DOP1B: variants seen among roughly 807,000 people sequenced by gnomAD.
DOP1B encodes the protein DOP1 leucine zipper like protein B.
DOP1B carries 174 observed loss-of-function variants against 233.5 expected under a neutral mutation model. That is an observed-to-expected ratio of 0.75 (90% CI 0.66 to 0.85). DOP1B has a LOEUF of 0.85. Among genes scored for constraint, DOP1B ranks in the 40% least tolerant of loss-of-function variants. DOP1B has a pLI of 0.00. For missense variants in DOP1B, 2,652 were observed against 2,846.6 expected (o/e 0.93, Z 1.56); for synonymous variants, 1,190 against 1,185.6 (o/e 1.00, Z -0.08).
chr21:36,260,282 AG>A, intron 23 of DOP1B, among the ~76,000 whole-genome samples: 1 of 143,118 alleles, frequency 7.0e-6, no homozygotes, highest in African/African-American at 2.9e-5. Flanking sequence ...AAAGAAAGAA[AG>A]AAAGAAAGAA....
At chr21:36,177,305 T>C (rs1228265539) in intron 2 of DOP1B, among the ~76,000 whole-genome samples, 1 of 152,188 alleles carries the variant, frequency 6.6e-6, no homozygotes, top group African/African-American at 2.4e-5. Flanking sequence ...ACTCACACTG[T>C]AAGATCGAGA....
At chr21:36,267,047 C>T (rs1242192227) in intron 26 of DOP1B, among the ~76,000 whole-genome samples, 2 of 152,356 alleles carry the variant, frequency 1.3e-5, no homozygotes, top group African/African-American at 4.8e-5. Context: ...CACACCTCAA[C>T]ACAACTGCTG....
At chr21:36,231,452 A>G (rs1032494435) in intron 14 of DOP1B, among the ~76,000 whole-genome samples, 53 of 152,306 alleles carry the variant, frequency 3.5e-4, no homozygotes, top group South Asian at 6.2e-4. Flanking sequence ...GTGTAAGCCA[A>G]GAAGGTGCTA....
chr21:36,233,918 ATCTCGGC>A (rs2066796212), intron 15 of DOP1B, among the ~76,000 whole-genome samples: 2 of 152,058 alleles, frequency 1.3e-5, no homozygotes, highest in South Asian at 4.2e-4. Flanking sequence ...CAGTGGCACG[ATCTCGGC>A]TCACTGCAAC....
chr21:36,294,029 C>G lies in DOP1B; in HGVS notation c.*458C>G, dbSNP rs2067588264. 6.3e-6 allele frequency: 1 copy of G among 157,932 alleles called. No individual in the cohort carries two copies. The highest frequency in any genetic ancestry group is 1.4e-5 in the Non-Finnish European group (1 of 71,256). 9.8% of individuals were successfully genotyped at this position (157,932 alleles called of 1,614,324 possible). A position where few individuals can be genotyped will look rare whatever the true frequency, so the allele number is the denominator to read the frequency against. On this transcript the variant is annotated 3_prime_UTR_variant, in exon 37 of 37. Transcript: ENST00000691173. ...GATAATTTACTGTTCAGCAACAGGA[C>G]ACACCTCCCTAAATGCCTTGTAATA...
rs147308235 is a variant in DOP1B at position 36,274,313 on chromosome 21, G to A, written c.5633-2708G>A. 3.9e-3 allele frequency among the ~76,000 whole-genome samples: 592 copies of A among 152,302 alleles called. 3 individuals carry two copies. The highest frequency in any genetic ancestry group is 0.013 in the African/African-American group (539 of 41,574). On this transcript the variant is annotated intron_variant, in intron 27 of 36. Transcript: ENST00000691173. The stretch of plus-strand genomic sequence containing the variant: ...GAGGCAGGGTCAACAGAAAGGGACA[G>A]TTTAAATGCAGAGTCAGCAGGATTT...
In DOP1B at chr21:36,218,753, C is replaced by T. The variant is rs372996660; in HGVS notation, c.1130-619C>T. On this transcript the variant is annotated intron_variant, in intron 9 of 36. Coordinates refer to ENST00000691173, the MANE Select transcript of DOP1B (RefSeq NM_001320714.2). ...CAGGCCCTCAGCTGCCTGAGGGTTGCGGTTTGCGGAGCAGCAATGCCCTGC... is the reference window on the plus strand; with the variant it reads ...CAGGCCCTCAGCTGCCTGAGGGTTGTGGTTTGCGGAGCAGCAATGCCCTGC... 5.3e-5 allele frequency among the ~76,000 whole-genome samples: 8 copies of T among 152,272 alleles called. No individual in the cohort carries two copies. The East Asian group carries it at 5.8e-4, about 11-fold the overall frequency.
At position 36,230,646 on chromosome 21, in the gene DOP1B, G is replaced by A. The variant is rs1369136350; in HGVS notation, c.1862G>A (p.Gly621Glu). ...AGGGACGACGTTTGGAAGAAGGGCG[G>A]GAGCATGCAGAGGACGTTTCTTTGC... ...LERDDVWKKG[G>E]SMQRTFLCIQ... Residue 621 changes from glycine to glutamate, a missense_variant, in exon 14 of 37, where the codon GGG becomes GAG. This residue lies in a region of DOP1B where 2,617 missense variants were observed against 2,794.3 expected (regional missense o/e 0.94). Coordinates refer to ENST00000691173, the MANE Select transcript of DOP1B (RefSeq NM_001320714.2). 3 of 1,614,168 alleles carry A rather than the reference G, an allele frequency of 1.9e-6. No homozygotes were observed. Among genetic ancestry groups the A allele is most frequent in the Non-Finnish European group, 2.5e-6 (3 of 1,180,028 alleles).
intron 31 of DOP1B, among the ~76,000 whole-genome samples, chr21:36,281,124 C>T (rs372050074): frequency 2.8e-4 from 43 of 152,098 alleles, no homozygotes; most frequent in African/African-American, 8.0e-4. Flanking sequence ...GGCAACATAG[C>T]GAAACCCCAT....
intron 35 of DOP1B, among the ~76,000 whole-genome samples, chr21:36,289,623 A>G (rs918413070): frequency 2.0e-5 from 3 of 152,092 alleles, no homozygotes; most frequent in African/African-American, 7.2e-5. Context: ...CCATAGGCTT[A>G]TGTTTCCTGC....
In DOP1B at chr21:36,245,565, C is replaced by T. The variant is rs759013708; in HGVS notation, c.3585C>T (p.Asp1195=). 37 of 1,613,362 alleles carry T rather than the reference C, an allele frequency of 2.3e-5. No homozygotes were observed. Among genetic ancestry groups the T allele is most frequent in the Non-Finnish European group, 2.9e-5 (34 of 1,179,964 alleles). The part of the protein sequence containing the change: ...KTQASESFSS[D]EEADLELQAL... ...AGGCTTCTGAGTCGTTCTCCAGCGA[C>T]GAGGAGGCGGACTTGGAGCTCCAGG... Residue 1195 remains aspartate, a synonymous_variant, in exon 19 of 37, where the codon GAC becomes GAT. Transcript: ENST00000691173. The surrounding 1 kb of genome is among the most constrained non-coding windows in gnomAD (Gnocchi z 5.5).
In DOP1B at chr21:36,245,610, G is replaced by A; in HGVS notation, c.3630G>A (p.Leu1210=). The A allele has an allele frequency of 6.2e-7, 1 of 1,613,404 alleles. No individual in the cohort carries two copies. Among genetic ancestry groups the A allele is most frequent in the Non-Finnish European group, 8.5e-7 (1 of 1,179,900 alleles). Residue 1210 remains leucine (L), a synonymous_variant, in exon 19 of 37, where the codon CTG becomes CTA. Coordinates refer to ENST00000691173, the MANE Select transcript of DOP1B (RefSeq NM_001320714.2). The surrounding 1 kb of genome is among the most constrained non-coding windows in gnomAD (Gnocchi z 5.5). The stretch of plus-strand genomic sequence containing the variant: ...TCCAGGCCCTCACCACATCCAGGCT[G>A]CTAAAGCAGCAGCGGGAAAGGCAGG... The part of the protein sequence containing the change: ...LELQALTTSR[L]LKQQRERQEA...
intron 9 of DOP1B, among the ~76,000 whole-genome samples, chr21:36,215,755 C>T (rs2066551497): frequency 6.7e-6 from 1 of 150,170 alleles, no homozygotes. Context: ...TGGCTCACAC[C>T]TGTGATCCCA....
intron 30 of DOP1B, among the ~76,000 whole-genome samples, chr21:36,278,995 T>C (rs1052134829): frequency 4.6e-5 from 7 of 151,882 alleles, no homozygotes; most frequent in African/African-American, 1.7e-4. Flanking sequence ...ACCCTGGGGG[T>C]GTCTTTACCC....
chr21:36,255,150 C>T (rs1302208575), intron 23 of DOP1B, among the ~76,000 whole-genome samples: 2 of 149,544 alleles, frequency 1.3e-5, no homozygotes, highest in African/African-American at 4.9e-5. Flanking sequence ...TTAGTTTTTT[C>T]GAGATGAAGT....
chr21:36,163,481 G>A (rs947020728), intron 1 of DOP1B, among the ~76,000 whole-genome samples: 14 of 152,108 alleles, frequency 9.2e-5, no homozygotes, highest in African/African-American at 3.1e-4. Context: ...AAAGACTCAA[G>A]CTTAAAGAAC....
chr21:36,253,243 C>A (rs1443086540), intron 22 of DOP1B, among the ~76,000 whole-genome samples: 1 of 152,192 alleles, frequency 6.6e-6, no homozygotes, highest in Non-Finnish European at 1.5e-5. Context: ...TTGATTCCAT[C>A]TCTTGTTTCC....
chr21:36,223,201 CAT>C (rs747937869), intron 10 of DOP1B, 28 bp from the exon 11 acceptor site: 1 of 1,538,738 alleles, frequency 6.5e-7, no homozygotes, highest in South Asian at 1.3e-5. Flanking sequence ...TTTTTATAGA[CAT>C]ATTTATTCAT....
chr21:36,174,707 T>C (rs561437967), intron 2 of DOP1B, among the ~76,000 whole-genome samples: 4 of 152,282 alleles, frequency 2.6e-5, no homozygotes, highest in African/African-American at 7.2e-5. Flanking sequence ...GAGACAGGGT[T>C]TCACTATGTT....
Sources: allele counts gnomAD v4.1 joint callset (sites outside exome capture counted in the v4.1 genomes callset), GRCh38; gene constraint gnomAD v4.1.1; regional missense constraint gnomAD v4.1.1; non-coding constraint Gnocchi (gnomAD v3.1); transcripts MANE v1.5; gene names NCBI Gene and HGNC (gene_info 2026-07-23, HGNC 2026-07-21).